ACSL5: variants seen among roughly 807,000 people sequenced by gnomAD.
The protein encoded by ACSL5 is long-chain-fatty-acid--CoA ligase 5.
ACSL5 carries 50 observed loss-of-function variants against 84.9 expected under a neutral mutation model. The observed-to-expected ratio is 0.59, with a 90% CI of 0.47 to 0.75. ACSL5 has a LOEUF of 0.75. Among genes scored for constraint, ACSL5 ranks in the 30% least tolerant of loss-of-function variants. The probability of loss-of-function intolerance (pLI) is 0.00; values close to 1 mark genes in which losing one functional copy is unlikely to be tolerated. For missense variants in ACSL5, 775 were observed against 830.4 expected (o/e 0.93, Z 0.82); for synonymous variants, 280 against 300.7 (o/e 0.93, Z 0.71).
intron 3 of ACSL5, among the ~76,000 whole-genome samples, chr10:112,400,043 C>A (rs1843842516): frequency 6.6e-6 from 1 of 152,180 alleles, no homozygotes; most frequent in African/African-American, 2.4e-5. Context: ...AAGAAAACAT[C>A]TATCTGAAGA....
chr10:112,403,978 T>G (rs1447080110), intron 3 of ACSL5, among the ~76,000 whole-genome samples: 10 of 152,218 alleles, frequency 6.6e-5, no homozygotes, highest in Non-Finnish European at 1.3e-4. Flanking sequence ...ATCAAAGTAT[T>G]ATATTCATTC....
At chr10:112,419,889 T>G (rs1055578872) in intron 14 of ACSL5, 2 of 152,232 alleles carry the variant, frequency 1.3e-5, no homozygotes, top group Non-Finnish European at 2.9e-5. Context: ...TTTCCATTTT[T>G]TCCTTTTAAG....
At chr10:112,397,331 A>G (rs970291761) in intron 2 of ACSL5, among the ~76,000 whole-genome samples, 2 of 151,496 alleles carry the variant, frequency 1.3e-5, no homozygotes, top group African/African-American at 4.8e-5. Context: ...CACCACACCC[A>G]GCTAATTTTT....
chr10:112,376,425 T>G, intron 1 of ACSL5: 1 of 1,614,006 alleles, frequency 6.2e-7, no homozygotes, highest in Non-Finnish European at 8.5e-7. Flanking sequence ...CTAGAAGCAC[T>G]GAGAGATGCG....
intron 1 of ACSL5, chr10:112,376,114 G>T (rs1849232937): frequency 1.4e-6 from 1 of 706,692 alleles, no homozygotes; most frequent in Non-Finnish European, 2.2e-6. Context: ...GAGGTGAAAG[G>T]CTTTGACACG....
intron 14 of ACSL5, among the ~76,000 whole-genome samples, chr10:112,421,266 C>A (rs1844457012): frequency 6.6e-6 from 1 of 152,224 alleles, no homozygotes; most frequent in Non-Finnish European, 1.5e-5. Context: ...TCAAGAGATT[C>A]TCCCACCTCA....
rs1323992653 is a variant in ACSL5, at chr10:112,427,393, C to T, written c.*35C>T. ...CTTAAGTACCTGCCGGCCCACTGTG[C>T]ACTGCTTGTGAGAAAATGGATTAAA... On this transcript the variant is annotated 3_prime_UTR_variant, in exon 21 of 21. Coordinates refer to ENST00000354655, the MANE Select transcript of ACSL5 (RefSeq NM_203379.2). The T allele has an allele frequency of 2.6e-6, 4 of 1,549,492 alleles. No individual in the cohort carries two copies. The African/African-American group carries it at 4.2e-5, about 16-fold the overall frequency.
chr10:112,413,074 G>A (rs1844222277), intron 11 of ACSL5, 99 bp from the exon 12 acceptor site: 1 of 1,321,540 alleles, frequency 7.6e-7, no homozygotes, highest in African/African-American at 1.5e-5. Flanking sequence ...CCACTGAAGG[G>A]GTTGTTTGCC....
intron 1 of ACSL5, among the ~76,000 whole-genome samples, chr10:112,393,243 G>A (rs1005459692): frequency 1.3e-5 from 2 of 152,050 alleles, no homozygotes; most frequent in African/African-American, 4.8e-5. Context: ...GCACCCATGG[G>A]ACCTGGCTTT....
chr10:112,409,672 T>TA lies in ACSL5; in HGVS notation c.699dup (p.Tyr234IlefsTer2), dbSNP rs1249661755. The TA allele has an allele frequency of 6.2e-7, 1 of 1,614,158 alleles. No individual in the cohort carries two copies. Among genetic ancestry groups the TA allele is most frequent in the East Asian group, 2.2e-5 (1 of 44,886 alleles). The stretch of plus-strand genomic sequence containing the variant: ...AAGAGTGGAATTGAGATCTTATCCC[T>TA]ATATGATGCTGAGGTATGGATCTGA... On this transcript the variant is annotated frameshift_variant, in exon 7 of 21. Transcript: ENST00000354655. LOFTEE classifies it high-confidence loss of function.
At chr10:112,389,386 G>T (rs567470461) in intron 1 of ACSL5, among the ~76,000 whole-genome samples, 1 of 152,274 alleles carries the variant, frequency 6.6e-6, no homozygotes, top group South Asian at 2.1e-4. Context: ...GGCATCCTGG[G>T]GTCTGAGGCC....
intron 2 of ACSL5, among the ~76,000 whole-genome samples, chr10:112,398,662 C>T (rs1843800631): frequency 6.6e-6 from 1 of 152,348 alleles, no homozygotes; most frequent in East Asian, 1.9e-4. Flanking sequence ...GCCTCAGCCT[C>T]CCAAAGTGCT....
At chr10:112,376,313 GACGC>G in intron 1 of ACSL5, 1 of 1,614,166 alleles carries the variant, frequency 6.2e-7, no homozygotes, top group Non-Finnish European at 8.5e-7. Context: ...TGCCTGCATG[GACGC>G]TCTGAAGCCA....
chr10:112,401,450 G>T (rs776880247), intron 3 of ACSL5, among the ~76,000 whole-genome samples: 1 of 152,224 alleles, frequency 6.6e-6, no homozygotes, highest in Non-Finnish European at 1.5e-5. Flanking sequence ...ACCAGAGTTG[G>T]AATTCTACTT....
intron 14 of ACSL5, 134 bp downstream of exon 14, chr10:112,418,075 AT>A (rs1182698136): frequency 1.4e-6 from 1 of 698,484 alleles, no homozygotes; most frequent in Non-Finnish European, 2.3e-6. Context: ...CAAAGAAAAT[AT>A]CCTTCTAACC....
At chr10:112,414,589 C>T (rs553673492) in intron 12 of ACSL5, among the ~76,000 whole-genome samples, 7 of 151,988 alleles carry the variant, frequency 4.6e-5, no homozygotes, top group East Asian at 1.9e-4. Context: ...AACTCCTGAC[C>T]TCAAGTGATC....
intron 7 of ACSL5, 132 bp downstream of exon 7, chr10:112,409,817 C>T: frequency 1.2e-6 from 1 of 863,616 alleles, no homozygotes. Flanking sequence ...TAGACTCATG[C>T]TGTGAAGCTC....
At chr10:112,388,124 G>A (rs560802484) in intron 1 of ACSL5, among the ~76,000 whole-genome samples, 11 of 152,152 alleles carry the variant, frequency 7.2e-5, no homozygotes, top group African/African-American at 2.6e-4. Context: ...ATTTTTGGTA[G>A]AGATGGGGTT....
intron 1 of ACSL5, chr10:112,376,155 T>G (rs112698255): frequency 1.8e-6 from 2 of 1,085,424 alleles, no homozygotes; most frequent in African/African-American, 3.1e-5. Context: ...GCTTCTCCCC[T>G]CCTGGTCAGA....
Sources: allele counts gnomAD v4.1 joint callset (sites outside exome capture counted in the v4.1 genomes callset), GRCh38; gene constraint gnomAD v4.1.1; transcripts MANE v1.5; gene names NCBI Gene and HGNC (gene_info 2026-07-23, HGNC 2026-07-21).